Variants in TIMP2 observed in about 807,000 individuals in gnomAD.
TIMP2 encodes metalloproteinase inhibitor 2.
A neutral mutation model predicts 24.3 loss-of-function variants in TIMP2; 5 were observed. The observed-to-expected ratio is 0.21, with a 90% CI of 0.11 to 0.43. The LOEUF is 0.43. Ranked by LOEUF, TIMP2 falls within the 20% of genes least tolerant of loss-of-function variation. TIMP2 has a pLI of 1.00. For missense variants in TIMP2, 221 were observed against 297.5 expected, an observed-to-expected ratio of 0.74 and a Z score of 1.89; for synonymous variants, 130 against 123.2, an observed-to-expected ratio of 1.06 and a Z score of -0.37.
chr17:78,890,609 T>C, intron 1 of TIMP2: 3 of 1,538,764 alleles, frequency 1.9e-6, no homozygotes, highest in South Asian at 1.2e-5. Context: ...TTATCAGTGA[T>C]GTATTTACCC....
chr17:78,863,362 C>A (rs1343536184), intron 3 of TIMP2, among the ~76,000 whole-genome samples: 2 of 152,184 alleles, frequency 1.3e-5, no homozygotes, highest in Non-Finnish European at 2.9e-5. Flanking sequence ...CCTGCCCCAG[C>A]CTCCCAAGTA....
intron 1 of TIMP2, among the ~76,000 whole-genome samples, chr17:78,911,136 C>A (rs2070203335): frequency 6.6e-6 from 1 of 152,206 alleles, no homozygotes; most frequent in South Asian, 2.1e-4. Flanking sequence ...GATCATCTGT[C>A]CCCGTCCCTT....
Position 78,891,210 on chromosome 17 carries a change from T to A in TIMP2, c.131-17291A>T. ...TTGACCGTGCCCTGATATTTTTGGT[T>A]CTGGGCCTTGCCCATGAACGTTTTC... On this transcript the variant is annotated intron_variant, in intron 1 of 4. Coordinates refer to ENST00000262768, the MANE Select transcript of TIMP2 (RefSeq NM_003255.5). The surrounding 1 kb of genome is among the most constrained non-coding windows in gnomAD (Gnocchi z 4.5). 1 of 1,550,710 alleles carries A rather than the reference T, an allele frequency of 6.4e-7. No individual in the cohort carries two copies. The highest frequency in any genetic ancestry group is 8.7e-7 in the Non-Finnish European group (1 of 1,147,020).
chr17:78,883,203 G>A (rs997773246), intron 1 of TIMP2, among the ~76,000 whole-genome samples: 6 of 152,218 alleles, frequency 3.9e-5, no homozygotes, highest in Non-Finnish European at 8.8e-5. Flanking sequence ...AGCAGAGGGG[G>A]CACCATAGGA....
intron 1 of TIMP2, chr17:78,904,247 T>C (rs1190158195): frequency 6.6e-6 from 1 of 152,112 alleles, no homozygotes; most frequent in Non-Finnish European, 1.5e-5. Flanking sequence ...TATGTTTTAG[T>C]AAGCCGCCAG....
intron 3 of TIMP2, among the ~76,000 whole-genome samples, 174 bp downstream of exon 3, chr17:78,870,724 A>G (rs1173086607): frequency 2.0e-5 from 3 of 152,048 alleles, no homozygotes; most frequent in African/African-American, 7.2e-5. Flanking sequence ...GGTAGTGAAC[A>G]TTCACTAGCA....
At chr17:78,868,858 C>A (rs745868863) in intron 3 of TIMP2, among the ~76,000 whole-genome samples, 1 of 152,100 alleles carries the variant, frequency 6.6e-6, no homozygotes, top group Non-Finnish European at 1.5e-5. Context: ...CAAGCAGGGG[C>A]AATCTACCCC....
intron 1 of TIMP2, chr17:78,892,075 T>A: frequency 6.4e-7 from 1 of 1,551,836 alleles, no homozygotes; most frequent in East Asian, 2.4e-5. Context: ...CCCTGGCCCG[T>A]CCTCCTCCCC....
chr17:78,874,740 G>A (rs1292657830), intron 1 of TIMP2, among the ~76,000 whole-genome samples: 2 of 134,390 alleles, frequency 1.5e-5, no homozygotes, highest in East Asian at 4.8e-4. Flanking sequence ...ACCACGCCCG[G>A]TTAATTTTTT....
At chr17:78,902,953 T>C (rs934352088) in intron 1 of TIMP2, among the ~76,000 whole-genome samples, 1 of 152,202 alleles carries the variant, frequency 6.6e-6, no homozygotes, top group African/African-American at 2.4e-5. Context: ...AGCCCCGTGG[T>C]GCAGGGACTT....
In TIMP2 at chr17:78,861,840, T is replaced by C. The variant is rs951329743; in HGVS notation, c.341-4194A>G. ...CTGGTCTTGAACTCCTGACTTCAAG[T>C]GATCCACTGCGCCCAGCCAAAAAAT... On this transcript the variant is annotated intron_variant, in intron 3 of 4. Transcript: ENST00000262768. 5.9e-5 allele frequency among the ~76,000 whole-genome samples: 9 copies of C among 152,168 alleles called. No homozygotes were observed. In the East Asian group the frequency reaches 1.7e-3, roughly 29 times the overall value.
intron 1 of TIMP2, among the ~76,000 whole-genome samples, chr17:78,887,463 C>A (rs147138417): frequency 1.6e-4 from 25 of 152,308 alleles, no homozygotes; most frequent in African/African-American, 5.8e-4. Context: ...CAGCTCACTG[C>A]AACCTCCGCC....
chr17:78,872,874 G>GGCTGGAAT, intron 2 of TIMP2, among the ~76,000 whole-genome samples: 2 of 151,830 alleles, frequency 1.3e-5, no homozygotes, highest in East Asian at 3.9e-4. Context: ...TTGTCGCACA[G>GGCTGGAAT]GCTGGAATGC....
chr17:78,881,145 C>A (rs575518199), intron 1 of TIMP2, among the ~76,000 whole-genome samples: 1 of 152,376 alleles, frequency 6.6e-6, no homozygotes, highest in South Asian at 2.1e-4. Flanking sequence ...TGCACACTGA[C>A]TCGGACTGGG....
At chr17:78,885,125 G>C (rs753845443) in intron 1 of TIMP2, among the ~76,000 whole-genome samples, 18 of 152,248 alleles carry the variant, frequency 1.2e-4, no homozygotes, top group Admixed American at 2.0e-4. Context: ...CGGACCAACA[G>C]GGCGACCCAC....
At chr17:78,910,928 G>T (rs574167193) in intron 1 of TIMP2, among the ~76,000 whole-genome samples, 2 of 152,314 alleles carry the variant, frequency 1.3e-5, no homozygotes, top group South Asian at 4.2e-4. Context: ...GGACCATGGG[G>T]GTGCAGGTGT....
chr17:78,860,447 C>T (rs939273923), intron 3 of TIMP2, among the ~76,000 whole-genome samples: 39 of 152,316 alleles, frequency 2.6e-4, no homozygotes, highest in Middle Eastern at 3.4e-3. Context: ...ACTAATGCAG[C>T]TCATCGACTG....
intron 1 of TIMP2, among the ~76,000 whole-genome samples, chr17:78,917,121 G>A (rs1384321016): frequency 6.6e-6 from 1 of 151,972 alleles, no homozygotes; most frequent in South Asian, 2.1e-4. Flanking sequence ...GCGTAGTGGC[G>A]GGCGCCTGTA....
At chr17:78,892,380 G>T in intron 1 of TIMP2, 1 of 1,550,642 alleles carries the variant, frequency 6.4e-7, no homozygotes, top group South Asian at 1.2e-5. Context: ...CAGGGAAGGT[G>T]CTTGGAGCCA....
Sources: gnomAD v4.1 joint callset for allele counts (sites outside exome capture counted in the v4.1 genomes callset) on GRCh38, gnomAD v4.1.1 for gene constraint, Gnocchi (gnomAD v3.1) non-coding constraint, MANE v1.5 for transcripts, NCBI Gene and HGNC (gene_info 2026-07-23, HGNC 2026-07-21) for gene names.